Variants in MSI2 observed in about 807,000 individuals in gnomAD.
MSI2 encodes RNA-binding protein Musashi homolog 2.
Under a neutral mutation model 45.6 loss-of-function variants are expected in MSI2, and 17 were observed. That is an observed-to-expected ratio of 0.37 (90% CI 0.26 to 0.56). The LOEUF (loss-of-function observed/expected upper bound fraction) is 0.56. Among genes scored for constraint, MSI2 ranks in the 20% least tolerant of loss-of-function variants. The probability of loss-of-function intolerance (pLI) is 0.77; values close to 1 mark genes in which losing one functional copy is unlikely to be tolerated. For synonymous variants in MSI2, 156 were observed against 158.2 expected, an observed-to-expected ratio of 0.99 and a Z score of 0.11; for missense variants, 293 against 444.2, an observed-to-expected ratio of 0.66 and a Z score of 3.06.
intron 6 of MSI2, chr17:57,444,409 C>G (rs982308181): frequency 3.9e-5 from 6 of 152,062 alleles, no homozygotes; most frequent in African/African-American, 1.5e-4. Context: ...ATGGTGAAAC[C>G]CCCGTCTGTA....
intron 5 of MSI2, among the ~76,000 whole-genome samples, chr17:57,307,668 A>C (rs188081007): frequency 8.5e-4 from 129 of 151,772 alleles, no homozygotes; most frequent in African/African-American, 3.0e-3. Context: ...CAGGTGATCT[A>C]CTTGCCTTGG....
intron 5 of MSI2, among the ~76,000 whole-genome samples, chr17:57,316,852 A>G (rs902140978): frequency 2.0e-5 from 3 of 152,130 alleles, no homozygotes; most frequent in Non-Finnish European, 2.9e-5. Flanking sequence ...TGTGTCAGAA[A>G]TTACAGACTC....
intron 6 of MSI2, among the ~76,000 whole-genome samples, chr17:57,501,010 A>G (rs1261786096): frequency 6.6e-6 from 1 of 152,108 alleles, no homozygotes; most frequent in Non-Finnish European, 1.5e-5. Context: ...TGGCAGCATC[A>G]AGAGCCTGTA....
rs1338428678 is a variant in MSI2, at chr17:57,680,472, G to C, written c.*955G>C. 1.7e-5 allele frequency: 4 copies of C among 228,822 alleles called. No homozygotes were observed. The highest frequency in any genetic ancestry group is 3.5e-5 in the Non-Finnish European group (4 of 115,394). The allele number at this position is 228,822 out of a possible 1,614,324, so 14.2% of individuals were successfully genotyped here. A position where few individuals can be genotyped will look rare whatever the true frequency, so the allele number is the denominator to read the frequency against. ...GGAAGGAGGCGGGAAGGGAACGTTG[G>C]CCAAGTCAGTTACTGAGATGAAGAT... On this transcript the variant is annotated 3_prime_UTR_variant, in exon 14 of 14. Coordinates refer to ENST00000284073, the MANE Select transcript of MSI2 (RefSeq NM_138962.4).
At chr17:57,298,154 C>G (rs530394088) in intron 5 of MSI2, among the ~76,000 whole-genome samples, 1 of 152,072 alleles carries the variant, frequency 6.6e-6, no homozygotes, top group South Asian at 2.1e-4. Context: ...TCAGAGGAAT[C>G]ACTCACTATC....
At chr17:57,694,128 G>T in the MSI2 span, among the ~76,000 whole-genome samples, 1 of 152,166 alleles carries the variant, frequency 6.6e-6, no homozygotes, top group African/African-American at 2.4e-5. Context: ...AGCCCACATG[G>T]CCCACAACAC....
chr17:57,686,246 A>T (rs1449764363), downstream of MSI2, among the ~76,000 whole-genome samples: 5 of 152,192 alleles, frequency 3.3e-5, no homozygotes, highest in Admixed American at 2.6e-4. Context: ...ATGCACTAAA[A>T]AAAGAGGTAG....
chr17:57,384,846 C>T (rs1323012603), intron 5 of MSI2, among the ~76,000 whole-genome samples: 1 of 152,182 alleles, frequency 6.6e-6, no homozygotes, highest in Non-Finnish European at 1.5e-5. Flanking sequence ...GTCCTACAGA[C>T]ACTGAAAATT....
chr17:57,299,579 T>G (rs1911266848), intron 5 of MSI2, among the ~76,000 whole-genome samples: 1 of 152,184 alleles, frequency 6.6e-6, no homozygotes, highest in Non-Finnish European at 1.5e-5. Context: ...CACACAATAT[T>G]TATTGATTAA....
intron 5 of MSI2, among the ~76,000 whole-genome samples, chr17:57,357,130 C>A (rs1200985459): frequency 1.3e-5 from 2 of 152,124 alleles, no homozygotes; most frequent in African/African-American, 4.8e-5. Flanking sequence ...GAAAACAAAG[C>A]AGCTCTGGCC....
chr17:57,701,161 C>G, the MSI2 span, among the ~76,000 whole-genome samples: 1,563 of 152,228 alleles, frequency 0.01, 21 homozygotes, highest in African/African-American at 0.035. Flanking sequence ...TAGGAGGCAG[C>G]TGCCATGATT....
intron 6 of MSI2, among the ~76,000 whole-genome samples, chr17:57,499,728 A>G (rs1411319725): frequency 6.6e-6 from 1 of 152,222 alleles, no homozygotes; most frequent in Non-Finnish European, 1.5e-5. Context: ...GGTTGCAGTC[A>G]GACATGAGGT....
At chr17:57,308,782 A>G (rs1177249308) in intron 5 of MSI2, among the ~76,000 whole-genome samples, 1 of 151,706 alleles carries the variant, frequency 6.6e-6, no homozygotes, top group Non-Finnish European at 1.5e-5. Context: ...AGAAGGTACA[A>G]CCCCCCTCAT....
intron 6 of MSI2, among the ~76,000 whole-genome samples, chr17:57,429,191 T>G (rs753308859): frequency 6.6e-6 from 1 of 152,156 alleles, no homozygotes; most frequent in Non-Finnish European, 1.5e-5. Flanking sequence ...ACCTGGGCTA[T>G]GCCGACTTAA....
chr17:57,696,328 C>T, the MSI2 span, among the ~76,000 whole-genome samples: 1 of 152,108 alleles, frequency 6.6e-6, no homozygotes, highest in Admixed American at 6.6e-5. Flanking sequence ...CCCTCTCCAG[C>T]CAAGACAGAC....
intron 7 of MSI2, among the ~76,000 whole-genome samples, chr17:57,547,741 TACACACACACACACAC>T (rs34631177): frequency 0.017 from 2,133 of 123,408 alleles, 37 homozygotes; most frequent in East Asian, 0.034. Flanking sequence ...AGACAAAAAG[TACACACACACACACAC>T]ACACACACAC....
At chr17:57,269,688 C>T (rs926469988) in intron 5 of MSI2, among the ~76,000 whole-genome samples, 3 of 152,134 alleles carry the variant, frequency 2.0e-5, no homozygotes, top group Non-Finnish European at 2.9e-5. Flanking sequence ...TTGTTTAAGC[C>T]GTGATCGTGA....
At chr17:57,701,349 T>C in the MSI2 span, among the ~76,000 whole-genome samples, 1 of 152,174 alleles carries the variant, frequency 6.6e-6, no homozygotes, top group African/African-American at 2.4e-5. Flanking sequence ...GTGGGGCCTT[T>C]GGGAGGTAAT....
intron 6 of MSI2, among the ~76,000 whole-genome samples, chr17:57,429,498 T>C (rs1567818358): frequency 6.6e-6 from 1 of 152,172 alleles, no homozygotes; most frequent in Non-Finnish European, 1.5e-5. Flanking sequence ...CCAGGGAGGC[T>C]GTGATGAAGT....
Sources: allele counts gnomAD v4.1 joint callset (sites outside exome capture counted in the v4.1 genomes callset), GRCh38; gene constraint gnomAD v4.1.1; transcripts MANE v1.5; gene names NCBI Gene and HGNC (gene_info 2026-07-23, HGNC 2026-07-21).